The following FRMD1 variants were observed in gnomAD, a reference collection of about 807,000 sequenced individuals.
FRMD1 encodes the protein FERM domain containing 1, also known as FERM domain-containing protein 1.
Under a neutral mutation model 54.9 loss-of-function variants are expected in FRMD1, and 51 were observed. That is an observed-to-expected ratio of 0.93 (90% confidence interval 0.74 to 1.17). FRMD1 has a LOEUF of 1.17. Ranked by LOEUF, FRMD1 falls within the 50% of genes most tolerant of loss-of-function variation. The probability of loss-of-function intolerance (pLI) is 0.00; values close to 1 mark genes in which losing one functional copy is unlikely to be tolerated. For missense variants in FRMD1, 729 were observed against 743.0 expected (o/e 0.98, Z 0.22); for synonymous variants, 324 against 306.4 (o/e 1.06, Z -0.60).
At chr6:168,068,454 G>A (rs80326169) in intron 2 of FRMD1, among the ~76,000 whole-genome samples, 1 of 152,266 alleles carries the variant, frequency 6.6e-6, no homozygotes, top group East Asian at 1.9e-4. Flanking sequence ...GGATGGTGTA[G>A]AGTTTGCATG....
chr6:168,071,275 A>G (rs1800294170), intron 2 of FRMD1, among the ~76,000 whole-genome samples: 1 of 152,218 alleles, frequency 6.6e-6, no homozygotes, highest in Non-Finnish European at 1.5e-5. Flanking sequence ...TTTTTGCTAC[A>G]GGCCTCAAAA....
rs1036191806 is a variant in FRMD1, at chr6:168,059,605, G to T, written c.1343-417C>A. Among the ~76,000 whole-genome samples, 4 of 152,158 alleles carry T rather than the reference G, an allele frequency of 2.6e-5. No homozygotes were observed. The highest frequency in any genetic ancestry group is 5.9e-5 in the Non-Finnish European group (4 of 68,008). The stretch of plus-strand genomic sequence containing the variant: ...TGGGTGACTGTAGGTGATGCTGGGC[G>T]GTCCTGGGTGACTGAGCCCTGGGGC... On this transcript the variant is annotated intron_variant, in intron 9 of 10. Coordinates refer to ENST00000283309, the MANE Select transcript of FRMD1 (RefSeq NM_024919.6). The surrounding 1 kb of genome is among the most constrained non-coding windows in gnomAD (Gnocchi z 4.4).
chr6:168,067,109 C>T (rs1335550511), intron 3 of FRMD1: 1 of 704,808 alleles, frequency 1.4e-6, no homozygotes, highest in Non-Finnish European at 2.6e-6. Context: ...CCCCTGCGGA[C>T]AGCCCCTCTG....
At chr6:168,058,650 C>T (rs113806045) in intron 10 of FRMD1, among the ~76,000 whole-genome samples, 3,226 of 152,266 alleles carry the variant, frequency 0.021, 125 homozygotes, top group African/African-American at 0.073. Context: ...ACCACTGGCT[C>T]GCTTCTCCTC....
upstream of FRMD1, chr6:168,079,271 G>A (rs557057101): frequency 4.0e-6 from 5 of 1,240,878 alleles, no homozygotes; most frequent in Admixed American, 1.5e-4. Context: ...GGTCAGAGCT[G>A]CAAATAGCTG....
intron 7 of FRMD1, 172 bp downstream of exon 7, chr6:168,062,722 C>T (rs758969090): frequency 1.9e-5 from 29 of 1,554,788 alleles, no homozygotes; most frequent in Non-Finnish European, 2.2e-5. Flanking sequence ...ACAGCAGCTG[C>T]GGAGCACGGT....
chr6:168,057,660 T>A, intron 10 of FRMD1: 1 of 333,548 alleles, frequency 3.0e-6, no homozygotes, highest in South Asian at 3.6e-5. Context: ...GTGTGGGCCT[T>A]GAACACTAGC....
chr6:168,078,313 T>C (rs988618668), intron 1 of FRMD1, among the ~76,000 whole-genome samples: 6 of 152,148 alleles, frequency 3.9e-5, no homozygotes, highest in Non-Finnish European at 8.8e-5. Context: ...ACCGGCTTCC[T>C]GGCGCTCTTC....
rs555978641 is a variant in FRMD1, at chr6:168,089,421, G to A, written c.-11-10397C>T. On this transcript the variant is annotated intron_variant, in intron 1 of 12. Coordinates refer to the FRMD1 transcript ENST00000644440. Reference sequence around the variant, plus strand: ...GGAGGCTGTGGCCGCTTCCTCCTTCGTTCAGGGACCAGCCTTGAGAAGGCG... The same window carrying A: ...GGAGGCTGTGGCCGCTTCCTCCTTCATTCAGGGACCAGCCTTGAGAAGGCG... Among the ~76,000 whole-genome samples the A allele has an allele frequency of 2.6e-5, 4 of 152,352 alleles. No homozygotes were observed. The South Asian group carries it at 6.2e-4, about 24-fold the overall frequency.
intron 1 of FRMD1, among the ~76,000 whole-genome samples, chr6:168,078,468 C>T (rs550201982): frequency 2.0e-5 from 3 of 152,176 alleles, no homozygotes; most frequent in Non-Finnish European, 4.4e-5. Flanking sequence ...CAGAGTGAGG[C>T]GGTCCAGGGA....
rs1468212596 is a variant in FRMD1 at position 168,060,955 on chromosome 6, T to C, written c.1148A>G (p.His383Arg). The change falls in exon 9 of 11, where the codon CAC becomes CGC. Residue 383 changes from histidine (H) to arginine (R), a missense_variant. Coordinates refer to ENST00000283309, the MANE Select transcript of FRMD1 (RefSeq NM_024919.6). ...GTCGGCGGAGTGGCGTGAGAGGCAG[T>C]GGGGGCAGTGCTGGCTGCTGACCCC... ...GSGVSSQHCPHCLSRHSADSH... is the reference protein window; with the variant it reads ...GSGVSSQHCPRCLSRHSADSH... 3 of 1,612,858 alleles carry C rather than the reference T, an allele frequency of 1.9e-6. No individual in the cohort carries two copies. In the African/African-American group the frequency reaches 4.0e-5, roughly 22 times the overall value.
intron 8 of FRMD1, 37 bp downstream of exon 8, chr6:168,061,770 C>A (rs1173947490): frequency 2.0e-6 from 3 of 1,521,104 alleles, no homozygotes; most frequent in African/African-American, 2.7e-5. Context: ...AAGGCACAGT[C>A]CGGCTGCGGA....
In FRMD1 at chr6:168,067,202, T is replaced by G. The variant is rs916039036; in HGVS notation, c.384+165A>C. On this transcript the variant is annotated intron_variant, in intron 3 of 10. Coordinates refer to ENST00000283309, the MANE Select transcript of FRMD1 (RefSeq NM_024919.6). ...TGCCTGCCCTCTCCCACCCCACGCA[T>G]CCCACCACTGTCCACCGTGGTGCCC... 11 of 589,654 alleles carry G rather than the reference T, an allele frequency of 1.9e-5. No homozygotes were observed. In the Admixed American group the frequency reaches 2.3e-4, roughly 12 times the overall value. The allele number at this position is 589,654 out of a possible 1,614,324, so 36.5% of individuals were successfully genotyped here.
upstream of FRMD1, among the ~76,000 whole-genome samples, chr6:168,084,127 A>G (rs1800880390): frequency 6.6e-6 from 1 of 152,162 alleles, no homozygotes; most frequent in Non-Finnish European, 1.5e-5. Context: ...TAGAGACGGC[A>G]GGTGGGGTGA....
upstream of FRMD1, chr6:168,081,219 C>T (rs59961338): frequency 1.1e-5 from 9 of 800,396 alleles, no homozygotes; most frequent in Middle Eastern, 4.0e-4. Context: ...CAAGGGTGGT[C>T]GCCATGAGTA....
intron 1 of FRMD1, 26 bp from the exon 2 acceptor site, chr6:168,075,361 A>T: frequency 6.3e-7 from 1 of 1,596,070 alleles, no homozygotes; most frequent in Non-Finnish European, 8.6e-7. Flanking sequence ...GGAGGGGTTC[A>T]GGGAGGGGCC....
intron 1 of FRMD1, among the ~76,000 whole-genome samples, chr6:168,077,255 C>A (rs1162605812): frequency 6.6e-6 from 1 of 150,618 alleles, no homozygotes; most frequent in African/African-American, 2.4e-5. Context: ...TGTCCAACTG[C>A]AGACACAGAT....
intron 4 of FRMD1, chr6:168,066,104 G>A (rs796653007): frequency 3.5e-5 from 35 of 993,894 alleles, no homozygotes; most frequent in African/African-American, 2.1e-4. Flanking sequence ...GAACCGCCAC[G>A]CAGCAAGCAT....
At chr6:168,057,573 T>C in intron 10 of FRMD1, 1 of 575,328 alleles carries the variant, frequency 1.7e-6, no homozygotes, top group Non-Finnish European at 3.0e-6. Flanking sequence ...CCAGCTTCTT[T>C]CCTGGGGCTG....
Sources: allele counts gnomAD v4.1 joint callset (sites outside exome capture counted in the v4.1 genomes callset), GRCh38; gene constraint gnomAD v4.1.1; non-coding constraint Gnocchi (gnomAD v3.1); transcripts MANE v1.5; gene names NCBI Gene and HGNC (gene_info 2026-07-23, HGNC 2026-07-21).